MTREX: variants seen among roughly 807,000 people sequenced by gnomAD.
The protein encoded by MTREX is Mtr4 exosome RNA helicase, also known as exosome RNA helicase MTR4.
Under a neutral mutation model 135.4 loss-of-function variants are expected in MTREX, and 76 were observed. The ratio of observed to expected loss-of-function variants is 0.56; its 90% CI spans 0.47 to 0.68. The LOEUF (loss-of-function observed/expected upper bound fraction) is 0.68. Ranked by LOEUF, MTREX falls within the 30% of genes least tolerant of loss-of-function variation. MTREX has a pLI of 0.00. For synonymous variants in MTREX, 404 were observed against 401.6 expected (o/e 1.01, Z -0.07); for missense variants, 920 against 1,262.1 (o/e 0.73, Z 4.11).
chr5:55,355,706 GA>G (rs1359335770), intron 14 of MTREX, among the ~76,000 whole-genome samples: 3 of 152,214 alleles, frequency 2.0e-5, no homozygotes, highest in Admixed American at 1.3e-4. Context: ...CATGGAGAAA[GA>G]AATGTCTTGG....
chr5:55,387,387 CA>C (rs1218972415), intron 18 of MTREX, among the ~76,000 whole-genome samples: 8 of 151,954 alleles, frequency 5.3e-5, no homozygotes, highest in African/African-American at 1.7e-4. Context: ...ATATTTTATG[CA>C]AAACAGATTA....
At chr5:55,348,321 A>T (rs1004039992) in intron 11 of MTREX, among the ~76,000 whole-genome samples, 1 of 152,100 alleles carries the variant, frequency 6.6e-6, no homozygotes, top group African/African-American at 2.4e-5. Context: ...TAAAGGCATT[A>T]ATCCATTCAT....
chr5:55,312,434 G>A (rs1749129586), intron 1 of MTREX, among the ~76,000 whole-genome samples: 1 of 150,022 alleles, frequency 6.7e-6, no homozygotes, highest in Admixed American at 6.7e-5. Flanking sequence ...TAATCTTATT[G>A]GGGTATAACT....
chr5:55,423,445 G>A (rs564880316), intron 26 of MTREX: 109 of 155,084 alleles, frequency 7.0e-4, no homozygotes, highest in Middle Eastern at 3.3e-3. Context: ...CTTGATGTAC[G>A]TGAACACCAG....
intron 1 of MTREX, among the ~76,000 whole-genome samples, chr5:55,315,888 G>A (rs895491358): frequency 2.7e-5 from 4 of 147,822 alleles, no homozygotes; most frequent in East Asian, 2.0e-4. Context: ...CCTGTGGAAC[G>A]CTCACATCAT....
chr5:55,318,081 C>T (rs1270521397), intron 1 of MTREX, among the ~76,000 whole-genome samples: 1 of 152,168 alleles, frequency 6.6e-6, no homozygotes, highest in Non-Finnish European at 1.5e-5. Context: ...TACCATCTAA[C>T]ACCAGTCAGA....
intron 13 of MTREX, 37 bp downstream of exon 13, chr5:55,351,066 A>G (rs9885400): frequency 0.1 from 160,505 of 1,554,204 alleles, 9,932 homozygotes; most frequent in East Asian, 0.26. Flanking sequence ...CCCCCATATC[A>G]TGTTGTATGA....
rs1036293075 is a variant in MTREX, at chr5:55,379,692, A to C, written c.2052+497A>C. ...AGGTTAACTGGACAGAGTAGTCTTT[A>C]TTTAAGCCTCTCTGACAGCTATTAA... On this transcript the variant is annotated intron_variant, in intron 18 of 26. Transcript: ENST00000230640. Among the ~76,000 whole-genome samples, 3 of 152,028 alleles carry C rather than the reference A, an allele frequency of 2.0e-5. No individual in the cohort carries two copies. The East Asian group carries it at 5.8e-4, about 29-fold the overall frequency.
intron 15 of MTREX, among the ~76,000 whole-genome samples, chr5:55,366,247 G>C (rs1391458235): frequency 6.6e-6 from 1 of 152,144 alleles, no homozygotes. Flanking sequence ...CCATCATTTT[G>C]GGAGGCTGAA....
At chr5:55,417,441 A>C (rs1429303218) in intron 25 of MTREX, among the ~76,000 whole-genome samples, 2 of 152,232 alleles carry the variant, frequency 1.3e-5, no homozygotes, top group Non-Finnish European at 2.9e-5. Context: ...GTTAAGCACC[A>C]TACCACCTTA....
intron 20 of MTREX, among the ~76,000 whole-genome samples, chr5:55,398,242 T>C (rs1750674578): frequency 6.7e-6 from 1 of 148,282 alleles, no homozygotes; most frequent in Admixed American, 6.9e-5. Flanking sequence ...CTTGTCTCTT[T>C]TAAGAAAAAA....
chr5:55,408,392 C>T (rs1750838327), intron 22 of MTREX, among the ~76,000 whole-genome samples: 2 of 152,146 alleles, frequency 1.3e-5, no homozygotes, highest in Admixed American at 6.5e-5. Flanking sequence ...CCTTACTTGT[C>T]TGCCCCCAAT....
intron 3 of MTREX, among the ~76,000 whole-genome samples, chr5:55,326,060 A>G (rs1253537648): frequency 3.9e-5 from 6 of 152,200 alleles, no homozygotes. Context: ...TATTCAAGAT[A>G]TGTTAGACCC....
chr5:55,378,415 A>G lies in MTREX; in HGVS notation c.1912A>G (p.Lys638Glu), dbSNP rs770925578. Reference sequence around the variant, plus strand: ...TAGACAGCAGCTTGCCAAATTGGGTAAAGAAATTGAAGAATATATTCACAA... The same window carrying G: ...TAGACAGCAGCTTGCCAAATTGGGTGAAGAAATTGAAGAATATATTCACAA... ...KIRQQLAKLG[K>E]EIEEYIHKPK... Residue 638 changes from lysine (K) to glutamate (E), a missense_variant, in exon 17 of 27, where the codon AAA becomes GAA. Transcript: ENST00000230640. 6.2e-7 allele frequency: 1 copy of G among 1,612,356 alleles called. No homozygotes were observed. Among genetic ancestry groups the G allele is most frequent in the South Asian group, 1.1e-5 (1 of 90,418 alleles).
chr5:55,386,576 T>C (rs1014356819), intron 18 of MTREX, among the ~76,000 whole-genome samples: 9 of 152,188 alleles, frequency 5.9e-5, no homozygotes, highest in Admixed American at 1.3e-4. Flanking sequence ...ATTTCCATAA[T>C]GCTATAAGTT....
intron 9 of MTREX, 40 bp from the exon 10 acceptor site, chr5:55,345,054 A>C (rs751810013): frequency 3.5e-6 from 4 of 1,143,936 alleles, no homozygotes; most frequent in Non-Finnish European, 5.2e-6. Context: ...ATTATGATTA[A>C]GTATTAGTGA....
intron 16 of MTREX, among the ~76,000 whole-genome samples, chr5:55,377,973 G>A (rs1334578112): frequency 4.0e-5 from 6 of 151,522 alleles, no homozygotes; most frequent in African/African-American, 1.5e-4. Flanking sequence ...ATACCTTGGA[G>A]GAAGAAATGC....
intron 8 of MTREX, 147 bp from the exon 9 acceptor site, chr5:55,344,375 C>T: frequency 1.7e-6 from 1 of 581,674 alleles, no homozygotes; most frequent in Non-Finnish European, 3.0e-6. Flanking sequence ...TTTCTCTTGC[C>T]TGGGTTTTAG....
chr5:55,368,566 A>G (rs1231383646), intron 16 of MTREX, among the ~76,000 whole-genome samples: 1 of 152,220 alleles, frequency 6.6e-6, no homozygotes, highest in Non-Finnish European at 1.5e-5. Context: ...ATTCCTTTCT[A>G]TCATGAGTAT....
Sources: allele counts gnomAD v4.1 joint callset (sites outside exome capture counted in the v4.1 genomes callset), GRCh38; gene constraint gnomAD v4.1.1; transcripts MANE v1.5; gene names NCBI Gene and HGNC (gene_info 2026-07-23, HGNC 2026-07-21).